The following DCBLD1 variants were observed in gnomAD, a reference collection of about 807,000 sequenced individuals.
DCBLD1 encodes the protein discoidin, CUB and LCCL domain containing 1.
A neutral mutation model predicts 71.5 loss-of-function variants in DCBLD1; 57 were observed. The ratio of observed to expected loss-of-function variants is 0.80; its 90% CI spans 0.64 to 0.99. The LOEUF (loss-of-function observed/expected upper bound fraction) is 0.99. Ranked by LOEUF, DCBLD1 falls within the 50% of genes least tolerant of loss-of-function variation. The pLI, the probability that DCBLD1 is intolerant of heterozygous loss-of-function variation, is 0.00. For missense variants in DCBLD1, 891 were observed against 923.5 expected, an observed-to-expected ratio of 0.96 and a Z score of 0.46; for synonymous variants, 380 against 363.8, an observed-to-expected ratio of 1.04 and a Z score of -0.51.
intron 14 of DCBLD1, among the ~76,000 whole-genome samples, chr6:117,559,245 C>A (rs1779538628): frequency 6.6e-6 from 1 of 152,134 alleles, no homozygotes; most frequent in African/African-American, 2.4e-5. Context: ...GATTTATTAA[C>A]GGCAATGCCA....
At chr6:117,482,959 G>GGGC in intron 1 of DCBLD1, 66 bp downstream of exon 1, 1 of 635,180 alleles carries the variant, frequency 1.6e-6, no homozygotes, top group Non-Finnish European at 1.9e-6. Context: ...GGGCTGCGGG[G>GGGC]CGGGCCGGGC....
At chr6:117,567,017 A>C (rs1476440121) in intron 14 of DCBLD1, 4 of 1,588,130 alleles carry the variant, frequency 2.5e-6, no homozygotes, top group Non-Finnish European at 2.6e-6. Flanking sequence ...AAACTACTTC[A>C]AATTCAATCT....
chr6:117,538,154 T>C (rs1011313137), intron 7 of DCBLD1, among the ~76,000 whole-genome samples: 1 of 152,182 alleles, frequency 6.6e-6, no homozygotes, highest in Non-Finnish European at 1.5e-5. Context: ...ATAGTTAAGG[T>C]CCTTTGGATG....
chr6:117,506,962 C>T (rs955930386), intron 2 of DCBLD1, among the ~76,000 whole-genome samples: 3 of 152,218 alleles, frequency 2.0e-5, no homozygotes, highest in African/African-American at 7.2e-5. Flanking sequence ...TTAGTTTATC[C>T]TGCCCGATAT....
chr6:117,559,734 C>G (rs1583044041), intron 14 of DCBLD1, among the ~76,000 whole-genome samples: 1 of 151,904 alleles, frequency 6.6e-6, no homozygotes, highest in Non-Finnish European at 1.5e-5. Flanking sequence ...GTTATAAAAC[C>G]ACCTAAAATA....
chr6:117,543,136 C>A lies in DCBLD1; in HGVS notation c.1370C>A (p.Thr457Lys), dbSNP rs771762443. ...SEETSTGINITTVAIPLVLLV... is the reference protein window; with the variant it reads ...SEETSTGINIKTVAIPLVLLV... ...CCGTCTTCTTTAGGAATAAACATTACAACGGTGGCTATTCCATTGGTGCTC... is the reference window on the plus strand; with the variant it reads ...CCGTCTTCTTTAGGAATAAACATTAAAACGGTGGCTATTCCATTGGTGCTC... Residue 457 changes from threonine (T) to lysine (K), a missense_variant, in exon 12 of 15, where the codon ACA becomes AAA. Transcript: ENST00000338728. 6.2e-7 allele frequency: 1 copy of A among 1,614,008 alleles called. No homozygotes were observed. Among genetic ancestry groups the A allele is most frequent in the Non-Finnish European group, 8.5e-7 (1 of 1,179,904 alleles).
intron 5 of DCBLD1, among the ~76,000 whole-genome samples, chr6:117,528,704 C>A (rs1315403310): frequency 6.6e-6 from 1 of 152,170 alleles, no homozygotes; most frequent in East Asian, 1.9e-4. Flanking sequence ...CCATTGCATT[C>A]CCTTTCCTAA....
chr6:117,483,970 A>G (rs1284907502), intron 1 of DCBLD1, among the ~76,000 whole-genome samples: 1 of 152,174 alleles, frequency 6.6e-6, no homozygotes. Flanking sequence ...TTTATATTAC[A>G]TACCAGTTTG....
intron 6 of DCBLD1, among the ~76,000 whole-genome samples, chr6:117,534,897 T>A (rs1778835651): frequency 6.6e-6 from 1 of 152,096 alleles, no homozygotes; most frequent in Admixed American, 6.5e-5. Flanking sequence ...GTACTAATTG[T>A]CTCATTTTTA....
intron 1 of DCBLD1, among the ~76,000 whole-genome samples, chr6:117,495,821 T>C (rs1038469869): frequency 2.6e-5 from 4 of 152,248 alleles, no homozygotes; most frequent in Non-Finnish European, 5.9e-5. Context: ...TTTTGAGATT[T>C]TTTTCCTTTG....
In DCBLD1 at chr6:117,538,510, A is replaced by G; in HGVS notation, c.761-110A>G. The G allele has an allele frequency of 7.1e-6, 7 of 989,462 alleles. No individual in the cohort carries two copies. The South Asian group carries it at 1.1e-4, about 16-fold the overall frequency. The allele number at this position is 989,462 out of a possible 1,614,324, so 61.3% of individuals were successfully genotyped here. A position where few individuals can be genotyped will look rare whatever the true frequency, so the allele number is the denominator to read the frequency against. On this transcript the variant is annotated intron_variant, in intron 7 of 14. Coordinates refer to ENST00000338728, the MANE Select transcript of DCBLD1 (RefSeq NM_001366458.2). ...GTAATTAAACACTTTATTCCATATC[A>G]GAATAAAAGTCAACTAGTTGAATAT...
chr6:117,536,262 CA>C (rs1249948451), intron 6 of DCBLD1, among the ~76,000 whole-genome samples: 3 of 152,028 alleles, frequency 2.0e-5, no homozygotes, highest in Non-Finnish European at 4.4e-5. Context: ...AAGTTGGACA[CA>C]ACAGGGGCAT....
At chr6:117,510,661 T>A (rs1198073276) in intron 2 of DCBLD1, among the ~76,000 whole-genome samples, 3 of 152,208 alleles carry the variant, frequency 2.0e-5, no homozygotes, top group African/African-American at 7.2e-5. Context: ...AGATTATAAG[T>A]AGCTTGATTT....
chr6:117,519,440 G>A (rs1778311863), intron 2 of DCBLD1, among the ~76,000 whole-genome samples: 1 of 152,140 alleles, frequency 6.6e-6, no homozygotes, highest in Non-Finnish European at 1.5e-5. Context: ...CCGAAAAAAT[G>A]ATTTTTTTAG....
chr6:117,566,943 C>T (rs1200954192), intron 14 of DCBLD1: 13 of 1,611,904 alleles, frequency 8.1e-6, no homozygotes, highest in East Asian at 2.2e-5. Context: ...CAAACGGTAA[C>T]GATGTCCACT....
At chr6:117,534,395 A>G (rs1352604192) in intron 6 of DCBLD1, among the ~76,000 whole-genome samples, 1 of 152,178 alleles carries the variant, frequency 6.6e-6, no homozygotes, top group Non-Finnish European at 1.5e-5. Context: ...GCCAACTTGA[A>G]CTTGACTTTT....
chr6:117,540,214 T>C (rs1235817372), intron 9 of DCBLD1: 3 of 153,766 alleles, frequency 2.0e-5, no homozygotes, highest in Non-Finnish European at 4.3e-5. Flanking sequence ...GTGATTTTCT[T>C]GGGAAGTGAA....
chr6:117,498,814 CA>C (rs1777551930), intron 1 of DCBLD1, among the ~76,000 whole-genome samples: 5 of 151,902 alleles, frequency 3.3e-5, no homozygotes, highest in Admixed American at 3.3e-4. Flanking sequence ...AGGCATCCCT[CA>C]AAAAAATGGC....
chr6:117,528,076 A>G (rs577510517), intron 5 of DCBLD1, among the ~76,000 whole-genome samples: 29 of 152,344 alleles, frequency 1.9e-4, no homozygotes, highest in Non-Finnish European at 3.2e-4. Flanking sequence ...ACTGTAAAAT[A>G]GAGACAGTAA....
Sources: allele counts gnomAD v4.1 joint callset (sites outside exome capture counted in the v4.1 genomes callset), GRCh38; gene constraint gnomAD v4.1.1; transcripts MANE v1.5; gene names NCBI Gene and HGNC (gene_info 2026-07-23, HGNC 2026-07-21).